Variants in NRG1 observed in about 807,000 individuals in gnomAD.
NRG1 encodes neuregulin 1.
Under a neutral mutation model 63.8 loss-of-function variants are expected in NRG1, and 18 were observed. The observed-to-expected ratio is 0.28, with a 90% CI of 0.19 to 0.42. The LOEUF (loss-of-function observed/expected upper bound fraction) is 0.42. Among genes scored for constraint, NRG1 ranks in the 10% least tolerant of loss-of-function variants. The pLI is 1.00. For missense variants in NRG1, 762 were observed against 814.7 expected, an observed-to-expected ratio of 0.94 and a Z score of 0.79; for synonymous variants, 302 against 301.3, an observed-to-expected ratio of 1.00 and a Z score of -0.02.
At chr8:32,314,312 G>T (rs1349534697) in intron 1 of NRG1, among the ~76,000 whole-genome samples, 1 of 152,160 alleles carries the variant, frequency 6.6e-6, no homozygotes, top group African/African-American at 2.4e-5. Context: ...TGGGTAACTT[G>T]CAGTTCCCTT....
intron 1 of NRG1, among the ~76,000 whole-genome samples, chr8:32,224,014 G>A (rs1846081454): frequency 2.0e-5 from 3 of 152,082 alleles, no homozygotes; most frequent in Non-Finnish European, 4.4e-5. Context: ...ACCGGCAGTA[G>A]GTCCTTCCGT....
chr8:31,850,885 A>G (rs925034219), intron 1 of NRG1, among the ~76,000 whole-genome samples: 10 of 152,218 alleles, frequency 6.6e-5, no homozygotes, highest in Non-Finnish European at 1.5e-5. Context: ...CTCAGAGACT[A>G]TCATATGTCT....
chr8:32,209,712 CCCTTCCTTCCTTCCTT>C (rs200085311), intron 1 of NRG1, among the ~76,000 whole-genome samples: 5,021 of 131,968 alleles, frequency 0.038, 108 homozygotes, highest in African/African-American at 0.045. Flanking sequence ...TTCTCTCTTT[CCCTTCCTTCCTTCCTT>C]CCTTCCTTCC....
chr8:31,987,082 G>C (rs1810189516), intron 1 of NRG1, among the ~76,000 whole-genome samples: 1 of 151,964 alleles, frequency 6.6e-6, no homozygotes. Flanking sequence ...GGCAGATCAT[G>C]AGGTCAAGAG....
At chr8:32,656,340 A>C (rs1801487524) in intron 5 of NRG1, among the ~76,000 whole-genome samples, 1 of 152,150 alleles carries the variant, frequency 6.6e-6, no homozygotes, top group African/African-American at 2.4e-5. Flanking sequence ...GTGTTTTAAA[A>C]GTAAAAAATA....
Position 32,374,765 on chromosome 8 carries a change from GT to G in NRG1, c.38-221056del, listed in dbSNP as rs369219760. On this transcript the variant is annotated intron_variant, in intron 1 of 10. Transcript: ENST00000519301. ...ATGTTTATTGAATGGTTAAGGCATT[GT>G]TTTTTTATCATAAGCTATAATTTAA... Among the ~76,000 whole-genome samples the G allele has an allele frequency of 1.3e-3, 200 of 152,174 alleles. 7 individuals are homozygous for G. In the East Asian group the frequency reaches 0.032, roughly 24 times the overall value.
exon 12 of NRG1, chr8:32,765,217 TG>T (rs1221214368): frequency 6.6e-6 from 1 of 152,094 alleles, no homozygotes; most frequent in Non-Finnish European, 1.5e-5. Context: ...ACTTTCTCTC[TG>T]GGGGAATGAT....
intron 1 of NRG1, among the ~76,000 whole-genome samples, chr8:32,396,212 G>T (rs994761033): frequency 6.6e-6 from 1 of 152,070 alleles, no homozygotes; most frequent in African/African-American, 2.4e-5. Flanking sequence ...TGCAGGTTCT[G>T]TGTATTTTCA....
At chr8:32,256,263 G>T (rs1283307592) in intron 1 of NRG1, among the ~76,000 whole-genome samples, 1 of 152,144 alleles carries the variant, frequency 6.6e-6, no homozygotes, top group Non-Finnish European at 1.5e-5. Flanking sequence ...GAGGAGAAGA[G>T]GTGTTCTGGT....
At chr8:31,983,148 TG>T (rs1328164978) in intron 1 of NRG1, among the ~76,000 whole-genome samples, 1 of 152,120 alleles carries the variant, frequency 6.6e-6, no homozygotes, top group Non-Finnish European at 1.5e-5. Context: ...TCAATGATAA[TG>T]TCATATATAT....
At chr8:32,675,911 TA>T (rs1806972212) in intron 5 of NRG1, among the ~76,000 whole-genome samples, 1 of 152,236 alleles carries the variant, frequency 6.6e-6, no homozygotes, top group African/African-American at 2.4e-5. Flanking sequence ...TTGAATTTAC[TA>T]AGTAAACAGA....
chr8:31,773,793 C>T (rs1440061061), intron 1 of NRG1, among the ~76,000 whole-genome samples: 1 of 152,016 alleles, frequency 6.6e-6, no homozygotes, highest in Non-Finnish European at 1.5e-5. Context: ...TTTAATGATC[C>T]CCCCAGCTGA....
At chr8:32,748,664 T>C in intron 7 of NRG1, 2 of 440,756 alleles carry the variant, frequency 4.5e-6, no homozygotes, top group South Asian at 3.3e-5. Context: ...TCCAAGTGGC[T>C]GTGTGCATGG....
Position 32,630,789 on chromosome 8 carries a change from G to A in NRG1, c.502+13904G>A, listed in dbSNP as rs1350064404. The stretch of plus-strand genomic sequence containing the variant: ...ATCCCTGCTGTTGTTAACATTTAAA[G>A]CATGCAGCCTCTTGTGCTGTGGTGT... On this transcript the variant is annotated intron_variant, in intron 5 of 11. Coordinates refer to ENST00000356819, the Ensembl canonical transcript of NRG1. Among the ~76,000 whole-genome samples the A allele has an allele frequency of 2.0e-5, 3 of 149,772 alleles. No individual in the cohort carries two copies. The East Asian group carries it at 5.9e-4, about 29-fold the overall frequency.
At chr8:32,352,605 G>T (rs1390472133) in intron 1 of NRG1, among the ~76,000 whole-genome samples, 1 of 152,134 alleles carries the variant, frequency 6.6e-6, no homozygotes, top group Non-Finnish European at 1.5e-5. Context: ...AGATGGCCAG[G>T]TGTAGTGGTT....
At chr8:31,900,116 G>A (rs541270064) in intron 1 of NRG1, among the ~76,000 whole-genome samples, 1 of 152,300 alleles carries the variant, frequency 6.6e-6, no homozygotes, top group East Asian at 1.9e-4. Flanking sequence ...TAAGAATGCT[G>A]CTTGATGAAA....
chr8:31,927,728 G>T (rs1291432396), intron 1 of NRG1, among the ~76,000 whole-genome samples: 1 of 150,304 alleles, frequency 6.7e-6, no homozygotes, highest in East Asian at 1.9e-4. Context: ...GATTACAGGC[G>T]TGAGCCACCG....
chr8:32,267,038 G>C (rs1422067888), intron 1 of NRG1, among the ~76,000 whole-genome samples: 1 of 150,826 alleles, frequency 6.6e-6, no homozygotes, highest in Non-Finnish European at 1.5e-5. Context: ...GACAGAGCCA[G>C]ACTCCATCTC....
At chr8:32,643,617 A>G (rs1422777906) in intron 5 of NRG1, among the ~76,000 whole-genome samples, 1 of 152,160 alleles carries the variant, frequency 6.6e-6, no homozygotes, top group Non-Finnish European at 1.5e-5. Context: ...TACAGAATAA[A>G]ATGGCGGTTG....
Sources: gnomAD v4.1 joint callset for allele counts (sites outside exome capture counted in the v4.1 genomes callset) on GRCh38, gnomAD v4.1.1 for gene constraint, MANE v1.5 for transcripts, NCBI Gene and HGNC (gene_info 2026-07-23, HGNC 2026-07-21) for gene names.